The following DST variants were observed in gnomAD, a reference collection of about 807,000 sequenced individuals.
DST encodes the protein bullous pemphigoid antigen.
Under a neutral mutation model 875.2 loss-of-function variants are expected in DST, and 253 were observed. The ratio of observed to expected loss-of-function variants is 0.29; its 90% CI spans 0.26 to 0.32. DST has a LOEUF of 0.32. DST is among the 10% of genes least tolerant of loss of function. The probability of loss-of-function intolerance (pLI) is 1.00; values close to 1 mark genes in which losing one functional copy is unlikely to be tolerated. For synonymous variants in DST, 3,124 were observed against 3,197.1 expected (o/e 0.98, Z 0.77); for missense variants, 8,287 against 9,111.6 (o/e 0.91, Z 3.68).
intron 83 of DST, 25 bp from the exon 84 acceptor site, chr6:56,493,114 G>A (rs185766909): frequency 1.3e-6 from 2 of 1,594,644 alleles, no homozygotes; most frequent in East Asian, 2.3e-5. Flanking sequence ...TGTTTAGTAT[G>A]TGATGTTTAA....
chr6:56,586,864 G>A (rs2098163952), intron 49 of DST, among the ~76,000 whole-genome samples: 2 of 152,084 alleles, frequency 1.3e-5, no homozygotes, highest in Admixed American at 6.5e-5. Flanking sequence ...TCCGTTACAA[G>A]GAAAACTAAC....
intron 4 of DST, among the ~76,000 whole-genome samples, chr6:56,778,352 TC>T (rs1255120470): frequency 2.7e-5 from 4 of 147,908 alleles, no homozygotes; most frequent in African/African-American, 1.0e-4. Context: ...TATTCTTTTC[TC>T]TTTTTTTTTT....
intron 4 of DST, among the ~76,000 whole-genome samples, chr6:56,775,775 C>T (rs768618462): frequency 5.3e-5 from 8 of 152,224 alleles, no homozygotes; most frequent in Non-Finnish European, 1.2e-4. Flanking sequence ...AGTAGCATAA[C>T]ATTGGATTAT....
At chr6:56,503,586 CCT>C in intron 78 of DST, among the ~76,000 whole-genome samples, 1 of 124,472 alleles carries the variant, frequency 8.0e-6, no homozygotes, top group African/African-American at 3.2e-5. Flanking sequence ...TCTCTCTCTA[CCT>C]ATACATACAC....
At chr6:56,519,875 AT>A (rs2096663726) in intron 69 of DST, among the ~76,000 whole-genome samples, 1 of 152,200 alleles carries the variant, frequency 6.6e-6, no homozygotes, top group Non-Finnish European at 1.5e-5. Context: ...AAAGAAGATA[AT>A]CAAATAGATG....
At chr6:56,880,875 T>G (rs1309599940) in intron 3 of DST, among the ~76,000 whole-genome samples, 2 of 122,294 alleles carry the variant, frequency 1.6e-5, no homozygotes, top group African/African-American at 6.0e-5. Context: ...TGAGACAGAG[T>G]CTTTGCTCTG....
intron 4 of DST, among the ~76,000 whole-genome samples, chr6:56,759,278 T>C (rs2099611747): frequency 6.6e-6 from 1 of 152,070 alleles, no homozygotes. Context: ...TGAAACCCTG[T>C]CTCTATTAAA....
intron 71 of DST, among the ~76,000 whole-genome samples, chr6:56,516,019 A>G (rs1417805653): frequency 6.6e-6 from 1 of 151,998 alleles, no homozygotes; most frequent in African/African-American, 2.4e-5. Context: ...TGCAAATGAA[A>G]TTGTCAAAAT....
intron 4 of DST, among the ~76,000 whole-genome samples, chr6:56,750,540 T>A (rs892447018): frequency 6.6e-6 from 1 of 152,096 alleles, no homozygotes; most frequent in Non-Finnish European, 1.5e-5. Context: ...GTCCCTCCTA[T>A]CTATCTTCAT....
chr6:56,686,329 G>A (rs1349255066), intron 9 of DST, among the ~76,000 whole-genome samples: 2 of 152,144 alleles, frequency 1.3e-5, no homozygotes, highest in African/African-American at 4.8e-5. Context: ...GAGAAGGGTT[G>A]AAAAACTACC....
rs138121432 is a variant in DST, at chr6:56,677,131, C to G, written c.1048-6324G>C. Among the ~76,000 whole-genome samples, 402 of 152,042 alleles carry G rather than the reference C, an allele frequency of 2.6e-3. 2 individuals carry two copies. The highest frequency in any genetic ancestry group is 0.014 in the Middle Eastern group (4 of 294). ...ATAAATATATGTAATTTTTATTTGT[C>G]AATTTAAAAAAACTTAAATATAATA... On this transcript the variant is annotated intron_variant, in intron 9 of 103. Transcript: ENST00000680361.
chr6:56,692,365 C>A, intron 9 of DST: 1 of 1,208,834 alleles, frequency 8.3e-7, no homozygotes, highest in South Asian at 1.4e-5. Flanking sequence ...TTTACTTGAA[C>A]TCAGACTCCA....
At chr6:56,538,298 T>C (rs1263717963) in intron 61 of DST, among the ~76,000 whole-genome samples, 1 of 152,146 alleles carries the variant, frequency 6.6e-6, no homozygotes, top group African/African-American at 2.4e-5. Flanking sequence ...AGATAATATG[T>C]TTTTAATATA....
rs775274894 is a variant in DST at position 56,616,242 on chromosome 6, G to C, written c.4930-1758C>G. 3.2e-5 allele frequency: 51 copies of C among 1,613,970 alleles called. No individual in the cohort carries two copies. The highest frequency in any genetic ancestry group is 5.0e-5 in the Admixed American group (3 of 59,986). On this transcript the variant is annotated intron_variant, in intron 36 of 103. Coordinates refer to ENST00000680361, the MANE Select transcript of DST (RefSeq NM_001374736.1). ...ACCAAGGCTTTGTCAATTGTTCCCT[G>C]CTCTATAGCCTCATTAATATTGAAG...
intron 36 of DST, chr6:56,615,278 G>A: frequency 1.5e-6 from 2 of 1,306,730 alleles, no homozygotes; most frequent in Non-Finnish European, 2.0e-6. Flanking sequence ...TTTTAGTGTG[G>A]CCAAGTTTCA....
intron 84 of DST, 38 bp downstream of exon 84, chr6:56,492,896 C>G: frequency 2.2e-6 from 3 of 1,349,978 alleles, no homozygotes; most frequent in Non-Finnish European, 3.0e-6. Flanking sequence ...AGCCTGGTGT[C>G]TGAAAAGAGA....
rs556084174 is a variant in DST, at chr6:56,732,584, T to C, written c.687+2644A>G. On this transcript the variant is annotated intron_variant, in intron 5 of 103. Coordinates refer to ENST00000680361, the MANE Select transcript of DST (RefSeq NM_001374736.1). ...AGAAGAAAATATTTATGCACATAAATGTAACAGTAACTTATACAATCATTT... is the reference window on the plus strand; with the variant it reads ...AGAAGAAAATATTTATGCACATAAACGTAACAGTAACTTATACAATCATTT... Among the ~76,000 whole-genome samples the C allele has an allele frequency of 1.8e-3, 268 of 152,318 alleles. 1 individual carries two copies. Among genetic ancestry groups the C allele is most frequent in the Non-Finnish European group, 3.2e-3 (221 of 68,024 alleles).
chr6:56,584,642 T>C (rs2098107101), intron 49 of DST, among the ~76,000 whole-genome samples: 1 of 151,468 alleles, frequency 6.6e-6, no homozygotes. Context: ...TGAATAGGAG[T>C]GGTGAGAGAG....
At chr6:56,515,355 A>T in intron 72 of DST, 95 bp downstream of exon 72, 1 of 1,371,360 alleles carries the variant, frequency 7.3e-7, no homozygotes, top group Non-Finnish European at 1.0e-6. Flanking sequence ...AAAATGCCTT[A>T]ATCATGTAAG....
Sources: allele counts gnomAD v4.1 joint callset (sites outside exome capture counted in the v4.1 genomes callset), GRCh38; gene constraint gnomAD v4.1.1; transcripts MANE v1.5; gene names NCBI Gene and HGNC (gene_info 2026-07-23, HGNC 2026-07-21).